SLC35F4: variants seen among roughly 807,000 people sequenced by gnomAD.
The protein encoded by SLC35F4 is chromosome 14 open reading frame 36.
SLC35F4 carries 24 observed loss-of-function variants against 44.2 expected under a neutral mutation model. The observed-to-expected ratio is 0.54, with a 90% CI of 0.39 to 0.76. SLC35F4 has a LOEUF of 0.76. Ranked by LOEUF, SLC35F4 falls within the 30% of genes least tolerant of loss-of-function variation. The pLI is 0.00. For missense variants in SLC35F4, 562 were observed against 586.1 expected (o/e 0.96, Z 0.42); for synonymous variants, 238 against 223.6 (o/e 1.06, Z -0.57).
chr14:57,726,224 G>T (rs2076199605), intron 1 of SLC35F4, among the ~76,000 whole-genome samples: 1 of 152,070 alleles, frequency 6.6e-6, no homozygotes, highest in African/African-American at 2.4e-5. Context: ...AGGTCAATGG[G>T]AAACTATAAT....
Position 57,650,468 on chromosome 14 carries a change from T to C in SLC35F4, c.104-56344A>G, listed in dbSNP as rs1407449769. On this transcript the variant is annotated intron_variant, in intron 1 of 7. Coordinates refer to ENST00000556826, the MANE Select transcript of SLC35F4 (RefSeq NM_001306087.2). Reference sequence around the variant, plus strand: ...CCTGTCATCTAATTCATTAGCAAGTTCTACTGATTTGCCCAAAACACACCT... The same window carrying C: ...CCTGTCATCTAATTCATTAGCAAGTCCTACTGATTTGCCCAAAACACACCT... Among the ~76,000 whole-genome samples, 2 of 152,128 alleles carry C rather than the reference T, an allele frequency of 1.3e-5. 1 individual carries two copies. Among genetic ancestry groups the C allele is most frequent in the African/African-American group, 4.8e-5 (2 of 41,442 alleles).
intron 1 of SLC35F4, among the ~76,000 whole-genome samples, chr14:57,979,122 C>T (rs1424421075): frequency 2.0e-5 from 3 of 152,124 alleles, no homozygotes; most frequent in African/African-American, 7.2e-5. Context: ...GTCAATCCAC[C>T]AGGCAAGCAA....
chr14:57,834,961 A>T (rs1247669231), intron 1 of SLC35F4, among the ~76,000 whole-genome samples: 1 of 152,190 alleles, frequency 6.6e-6, no homozygotes, highest in African/African-American at 2.4e-5. Context: ...CCCAGAAGGC[A>T]GAGATTGCAG....
chr14:57,648,652 G>T (rs1366487731), intron 1 of SLC35F4, among the ~76,000 whole-genome samples: 4 of 152,070 alleles, frequency 2.6e-5, no homozygotes, highest in Non-Finnish European at 5.9e-5. Context: ...GATGGTTTAT[G>T]AACCTTTCTT....
intron 1 of SLC35F4, among the ~76,000 whole-genome samples, chr14:57,833,412 G>C (rs183429007): frequency 2.6e-5 from 4 of 152,328 alleles, no homozygotes; most frequent in East Asian, 3.9e-4. Flanking sequence ...TTTTGGGATA[G>C]AGCCCAGCCA....
chr14:57,917,398 T>C (rs994931319), intron 1 of SLC35F4, among the ~76,000 whole-genome samples: 2 of 152,174 alleles, frequency 1.3e-5, no homozygotes, highest in Admixed American at 1.3e-4. Context: ...TTGCATGTTG[T>C]CTACCTTTTC....
Position 57,581,301 on chromosome 14 carries a change from C to A in SLC35F4, c.720G>T (p.Thr240=). The A allele has an allele frequency of 1.2e-6, 2 of 1,613,596 alleles. No individual in the cohort carries two copies. The highest frequency in any genetic ancestry group is 2.2e-5 in the East Asian group (1 of 44,872). The change falls in exon 4 of 8, where the codon ACG becomes ACT. Residue 240 remains threonine (T), a synonymous_variant. Transcript: ENST00000556826. ...YLLALKKLTA[T]DVSALFCCNK... ...TACAACAGAACAGAGCGGAGACATC[C>A]GTGGCCGTCAGCTTCTTTAAAGCCA...
Position 57,758,001 on chromosome 14 carries a change from A to ATATGTGTGTGTG in SLC35F4, c.103+107721_103+107722insCACACACACATA, listed in dbSNP as rs1555384207. ...TTTCTGGGTATAGGATTATAGGTTCATGTGTGTGTGTGTGTGTGTGTGTGT... is the reference window on the plus strand; with the variant it reads ...TTTCTGGGTATAGGATTATAGGTTCATATGTGTGTGTGTGTGTGTGTGTGTGTGTGTGTGTGT... On this transcript the variant is annotated intron_variant, in intron 1 of 7. Transcript: ENST00000556826. Among the ~76,000 whole-genome samples the ATATGTGTGTGTG allele has an allele frequency of 4.0e-4, 52 of 129,022 alleles. 1 individual carries two copies. Among genetic ancestry groups the ATATGTGTGTGTG allele is most frequent in the Middle Eastern group, 4.0e-3 (1 of 248 alleles). 84.6% of individuals were successfully genotyped at this position (129,022 alleles called of 152,430 possible). A position where few individuals can be genotyped will look rare whatever the true frequency, so the allele number is the denominator to read the frequency against.
intron 1 of SLC35F4, among the ~76,000 whole-genome samples, chr14:57,718,975 A>T (rs1430892426): frequency 6.6e-6 from 1 of 152,216 alleles, no homozygotes; most frequent in Non-Finnish European, 1.5e-5. Context: ...TTAAGGACTT[A>T]GATTTAAGTC....
chr14:57,594,027 G>T lies in SLC35F4; in HGVS notation c.201C>A (p.Thr67=), dbSNP rs749549339. 1.9e-6 allele frequency: 3 copies of T among 1,613,744 alleles called. No individual in the cohort carries two copies. Among genetic ancestry groups the T allele is most frequent in the African/African-American group, 2.7e-5 (2 of 74,878 alleles). Reference sequence around the variant, plus strand: ...CAAGAATAGGAGCAGAGGAATCTTCGGTGACAGACAGTGGGGACAGTTGTC... The same window carrying T: ...CAAGAATAGGAGCAGAGGAATCTTCTGTGACAGACAGTGGGGACAGTTGTC... ...ISRQLSPLSV[T]EDSSAPILEL... is the part of the protein sequence containing the mutation. Residue 67 remains threonine, a synonymous_variant, in exon 2 of 8, where the codon ACC becomes ACA. Coordinates refer to ENST00000556826, the MANE Select transcript of SLC35F4 (RefSeq NM_001306087.2).
chr14:57,640,511 A>G (rs1880832025), intron 1 of SLC35F4, among the ~76,000 whole-genome samples: 1 of 152,044 alleles, frequency 6.6e-6, no homozygotes, highest in South Asian at 2.1e-4. Context: ...CAAGTCTCCT[A>G]CACTGAACAA....
intron 1 of SLC35F4, among the ~76,000 whole-genome samples, chr14:57,741,039 C>T (rs1174335642): frequency 2.0e-5 from 3 of 152,306 alleles, no homozygotes; most frequent in East Asian, 3.9e-4. Flanking sequence ...AGAAGGAAAA[C>T]TAACAAACAG....
chr14:57,777,501 A>T (rs2077516982), intron 1 of SLC35F4, among the ~76,000 whole-genome samples: 1 of 152,174 alleles, frequency 6.6e-6, no homozygotes, highest in Non-Finnish European at 1.5e-5. Flanking sequence ...GCTGGGAACC[A>T]TCATTCTAAG....
At chr14:57,839,284 G>A (rs776063461) in intron 1 of SLC35F4, among the ~76,000 whole-genome samples, 24 of 152,078 alleles carry the variant, frequency 1.6e-4, no homozygotes, top group African/African-American at 4.8e-4. Flanking sequence ...CTTATCCTTC[G>A]GTTGCTCTTT....
intron 1 of SLC35F4, chr14:57,837,596 C>T (rs1885065823): frequency 6.6e-6 from 1 of 152,146 alleles, no homozygotes; most frequent in Admixed American, 6.5e-5. Context: ...CCTAGCCAAC[C>T]CGGCTGAATA....
chr14:57,694,590 G>C (rs62005179), intron 1 of SLC35F4, among the ~76,000 whole-genome samples: 6,244 of 152,196 alleles, frequency 0.041, 210 homozygotes, highest in Non-Finnish European at 0.067. Flanking sequence ...TTGAGAGTTT[G>C]ATAGATATTT....
intron 1 of SLC35F4, among the ~76,000 whole-genome samples, chr14:57,743,683 C>T (rs1210821283): frequency 2.0e-5 from 3 of 152,128 alleles, no homozygotes; most frequent in Admixed American, 6.5e-5. Context: ...TGAAACTATT[C>T]CAATCAATAG....
At chr14:57,834,096 A>G (rs1471829908) in intron 1 of SLC35F4, among the ~76,000 whole-genome samples, 1 of 152,236 alleles carries the variant, frequency 6.6e-6, no homozygotes. Context: ...AACTCCACCT[A>G]AGATGAGAGC....
Position 57,720,206 on chromosome 14 carries a change from T to C in SLC35F4, c.104-126082A>G, listed in dbSNP as rs972514937. Among the ~76,000 whole-genome samples, 6 of 152,184 alleles carry C rather than the reference T, an allele frequency of 3.9e-5. No individual in the cohort carries two copies. In the East Asian group the frequency reaches 1.2e-3, roughly 29 times the overall value. On this transcript the variant is annotated intron_variant, in intron 1 of 7. Coordinates refer to ENST00000556826, the MANE Select transcript of SLC35F4 (RefSeq NM_001306087.2). ...CCCACTTGATCATGATGAATAATTT[T>C]TATAATGTATTGTTGAATTTGGTTT...
Sources: gnomAD v4.1 joint callset for allele counts (sites outside exome capture counted in the v4.1 genomes callset) on GRCh38, gnomAD v4.1.1 for gene constraint, MANE v1.5 for transcripts, NCBI Gene and HGNC (gene_info 2026-07-23, HGNC 2026-07-21) for gene names.